The following CYP39A1 variants were observed in gnomAD, a reference collection of about 807,000 sequenced individuals.
The protein encoded by CYP39A1 is 24-hydroxycholesterol 7-alpha-hydroxylase.
Under a neutral mutation model 58.1 loss-of-function variants are expected in CYP39A1, and 49 were observed. The ratio of observed to expected loss-of-function variants is 0.84; its 90% CI spans 0.67 to 1.07. CYP39A1 has a LOEUF of 1.07. Ranked by LOEUF, CYP39A1 falls within the 50% of genes least tolerant of loss-of-function variation. The pLI, the probability that CYP39A1 is intolerant of heterozygous loss-of-function variation, is 0.00. For synonymous variants in CYP39A1, 209 were observed against 187.6 expected (o/e 1.11, Z -0.93); for missense variants, 531 against 539.4 (o/e 0.98, Z 0.16).
intron 5 of CYP39A1, among the ~76,000 whole-genome samples, chr6:46,635,858 T>A (rs1257891442): frequency 6.6e-6 from 1 of 152,178 alleles, no homozygotes; most frequent in Non-Finnish European, 1.5e-5. Context: ...CCACCATGCC[T>A]GGCCTACTGC....
At chr6:46,571,296 A>G (rs1214551055) in intron 10 of CYP39A1, among the ~76,000 whole-genome samples, 1 of 152,032 alleles carries the variant, frequency 6.6e-6, no homozygotes, top group African/African-American at 2.4e-5. Context: ...TGCTTGGATG[A>G]TCTCTCTATT....
chr6:46,616,192 TTCCCTCCCTCCCTCCCTCCCTCCC>T (rs59526252), intron 7 of CYP39A1, among the ~76,000 whole-genome samples: 5 of 3,758 alleles, frequency 1.3e-3, no homozygotes, highest in Admixed American at 4.8e-3. Flanking sequence ...TCTTTCTTCT[TTCCCTCCCTCCCTCCCTCCCTCCC>T]TCCCTCCCTC....
chr6:46,640,067 C>T (rs1418541985), intron 2 of CYP39A1, among the ~76,000 whole-genome samples: 1 of 152,144 alleles, frequency 6.6e-6, no homozygotes, highest in Non-Finnish European at 1.5e-5. Flanking sequence ...GCCAACATCA[C>T]ACCACTGCAC....
chr6:46,583,531 C>T, intron 10 of CYP39A1: 1 of 985,380 alleles, frequency 1.0e-6, no homozygotes, highest in Non-Finnish European at 1.2e-6. Flanking sequence ...TTGCAAGCTA[C>T]AATTTCTGAA....
intron 7 of CYP39A1, among the ~76,000 whole-genome samples, chr6:46,619,728 C>G (rs895590206): frequency 6.6e-6 from 1 of 152,066 alleles, no homozygotes; most frequent in Non-Finnish European, 1.5e-5. Context: ...TGGATACTTC[C>G]AAACCTGTCT....
intron 8 of CYP39A1, among the ~76,000 whole-genome samples, chr6:46,591,966 C>T (rs1451053405): frequency 6.6e-6 from 1 of 152,102 alleles, no homozygotes; most frequent in Non-Finnish European, 1.5e-5. Context: ...ATTAATATTT[C>T]TCAATTACTC....
At chr6:46,601,204 T>G (rs1470843911) in intron 7 of CYP39A1, among the ~76,000 whole-genome samples, 1 of 148,610 alleles carries the variant, frequency 6.7e-6, no homozygotes, top group East Asian at 2.0e-4. Context: ...ATCAGCAAAA[T>G]TTGTTTTTAT....
At chr6:46,652,300 AG>A in intron 1 of CYP39A1, 105 bp downstream of exon 1, 3 of 1,074,872 alleles carry the variant, frequency 2.8e-6, no homozygotes, top group Admixed American at 2.6e-5. Flanking sequence ...TGAGGCAAGC[AG>A]GTATGTTCCC....
chr6:46,589,015 G>A (rs1772648951), intron 8 of CYP39A1, among the ~76,000 whole-genome samples: 1 of 152,152 alleles, frequency 6.6e-6, no homozygotes, highest in Non-Finnish European at 1.5e-5. Flanking sequence ...TACTAAGGTA[G>A]AGATATTTTA....
intron 10 of CYP39A1, among the ~76,000 whole-genome samples, chr6:46,556,991 G>A (rs1294650243): frequency 6.6e-6 from 1 of 152,012 alleles, no homozygotes; most frequent in African/African-American, 2.4e-5. Context: ...GCATGATGAG[G>A]AGAGAAAGAT....
intron 10 of CYP39A1, among the ~76,000 whole-genome samples, chr6:46,568,284 G>A (rs2150491295): frequency 6.6e-6 from 1 of 152,096 alleles, no homozygotes; most frequent in East Asian, 1.9e-4. Context: ...AGTTCTCTAT[G>A]CATAATGGAA....
intron 10 of CYP39A1, among the ~76,000 whole-genome samples, chr6:46,582,446 G>C (rs937248179): frequency 6.6e-6 from 1 of 151,954 alleles, no homozygotes; most frequent in African/African-American, 2.4e-5. Context: ...ATATATCATC[G>C]CCTTGCTATC....
rs199657324 is a variant in CYP39A1, at chr6:46,596,018, G to A, written c.1034C>T (p.Thr345Ile). 31 of 1,610,800 alleles carry A rather than the reference G, an allele frequency of 1.9e-5. No individual in the cohort carries two copies. The highest frequency in any genetic ancestry group is 2.5e-5 in the Non-Finnish European group (30 of 1,178,638). ...TTCCACAGGCTTCACCACTTTTCTA[G>A]TAATGACACCAGGAGCTTTTAAACG... Reference protein sequence around the residue: ...TIRLKAPGVITRKVVKPVEIL... With the variant: ...TIRLKAPGVIIRKVVKPVEIL... The change falls in exon 8 of 12, where the codon ACT becomes ATT. Residue 345 changes from threonine (T) to isoleucine (I), a missense_variant. Thr to Ile is a moderately conservative substitution (Grantham distance 89). Coordinates refer to ENST00000275016, the MANE Select transcript of CYP39A1 (RefSeq NM_016593.5).
At chr6:46,649,583 A>C (rs2150614549) in intron 1 of CYP39A1, among the ~76,000 whole-genome samples, 1 of 152,342 alleles carries the variant, frequency 6.6e-6, no homozygotes, top group African/African-American at 2.4e-5. Context: ...GTAAATCCCT[A>C]CTGACATAGG....
intron 7 of CYP39A1, among the ~76,000 whole-genome samples, chr6:46,602,147 AATGGATGGATGG>A (rs545425113): frequency 2.0e-5 from 3 of 152,006 alleles, no homozygotes; most frequent in South Asian, 2.1e-4. Flanking sequence ...TGAATAAATG[AATGGATGGATGG>A]ATGGATGGAT....
At position 46,601,628 on chromosome 6, in the gene CYP39A1, A is replaced by C. The variant is rs77235212; in HGVS notation, c.932-5508T>G. Among the ~76,000 whole-genome samples, 16 of 151,846 alleles carry C rather than the reference A, an allele frequency of 1.1e-4. No individual in the cohort carries two copies. In the East Asian group the frequency reaches 3.1e-3, roughly 29 times the overall value. The stretch of plus-strand genomic sequence containing the variant: ...AAGTGTTAATACGTGTAAAGCGCTT[A>C]CCACTATAATTGGCATGTGGCAAAA... On this transcript the variant is annotated intron_variant, in intron 7 of 11. Coordinates refer to ENST00000275016, the MANE Select transcript of CYP39A1 (RefSeq NM_016593.5).
rs373402190 is a variant in CYP39A1, at chr6:46,607,514, G to GT, written c.932-11395dup. On this transcript the variant is annotated intron_variant, in intron 7 of 11. Coordinates refer to ENST00000275016, the MANE Select transcript of CYP39A1 (RefSeq NM_016593.5). ...ACATGCATACATGCAGACATAGTAA[G>GT]TAAATAAATAAATATACATATAATT... Among the ~76,000 whole-genome samples the GT allele has an allele frequency of 6.3e-3, 958 of 151,228 alleles. 11 individuals carry two copies. The highest frequency in any genetic ancestry group is 0.022 in the African/African-American group (889 of 41,104).
intron 7 of CYP39A1, among the ~76,000 whole-genome samples, chr6:46,600,151 T>A (rs7765471): frequency 0.12 from 18,889 of 151,806 alleles, 1,200 homozygotes; most frequent in Middle Eastern, 0.19. Flanking sequence ...TTTTTTGACA[T>A]GGAGACTCGC....
intron 8 of CYP39A1, among the ~76,000 whole-genome samples, chr6:46,595,548 G>A (rs113614455): frequency 1.8e-4 from 28 of 152,008 alleles, no homozygotes; most frequent in African/African-American, 6.5e-4. Context: ...AGTGAGCTCA[G>A]AAATAGAGTA....
Sources: gnomAD v4.1 joint callset for allele counts (sites outside exome capture counted in the v4.1 genomes callset) on GRCh38, gnomAD v4.1.1 for gene constraint, MANE v1.5 for transcripts, NCBI Gene and HGNC (gene_info 2026-07-23, HGNC 2026-07-21) for gene names.